FBXO11: variants seen among roughly 807,000 people sequenced by gnomAD.
FBXO11 encodes F-box protein 11, also known as F-box only protein 11.
A neutral mutation model predicts 117.0 loss-of-function variants in FBXO11; 13 were observed. That is an observed-to-expected ratio of 0.11 (90% CI 0.07 to 0.18). The LOEUF is 0.18. FBXO11 is among the 10% of genes least tolerant of loss of function. The pLI, the probability that FBXO11 is intolerant of heterozygous loss-of-function variation, is 1.00. For synonymous variants in FBXO11, 490 were observed against 380.5 expected (o/e 1.29, Z -3.35); for missense variants, 767 against 1,164.4 (o/e 0.66, Z 4.97).
chr2:47,809,874 C>G, intron 19 of FBXO11, 167 bp from the exon 20 acceptor site: 2 of 553,042 alleles, frequency 3.6e-6, no homozygotes, highest in East Asian at 3.0e-5. Context: ...CAGTAACATT[C>G]ACTTATCAAT....
intron 1 of FBXO11, among the ~76,000 whole-genome samples, chr2:47,849,894 AAAT>A (rs1319011306): frequency 3.9e-5 from 6 of 152,196 alleles, no homozygotes; most frequent in Non-Finnish European, 8.8e-5. Flanking sequence ...CAAACACTTA[AAAT>A]AATTTAGACC....
intron 21 of FBXO11, chr2:47,808,650 AG>A: frequency 2.2e-6 from 1 of 445,042 alleles, no homozygotes; most frequent in East Asian, 3.5e-5. Context: ...AATTGTATAA[AG>A]GCAGTTCTTT....
chr2:47,893,166 T>A (rs1044358563), intron 1 of FBXO11, among the ~76,000 whole-genome samples: 1 of 141,478 alleles, frequency 7.1e-6, no homozygotes, highest in Non-Finnish European at 1.6e-5. Context: ...AAAAAATAAA[T>A]TAAATAAATA....
chr2:47,841,407 A>G (rs576290739), intron 1 of FBXO11, among the ~76,000 whole-genome samples: 1 of 152,288 alleles, frequency 6.6e-6, no homozygotes, highest in South Asian at 2.1e-4. Context: ...GATTTAACCA[A>G]TGAGTACCAA....
intron 1 of FBXO11, among the ~76,000 whole-genome samples, chr2:47,877,626 A>T (rs948830296): frequency 2.0e-5 from 3 of 151,728 alleles, no homozygotes; most frequent in African/African-American, 7.3e-5. Context: ...TACCCTAACG[A>T]TTTTTCATTT....
chr2:47,885,853 T>C (rs1380785364), intron 1 of FBXO11, among the ~76,000 whole-genome samples: 2 of 152,256 alleles, frequency 1.3e-5, no homozygotes, highest in South Asian at 2.1e-4. Flanking sequence ...AATATCCTTT[T>C]CCCCCTCCTT....
Position 47,905,590 on chromosome 2 carries a change from TGCTGCTGGGGCGGCTGCTGCTGGGGCG to T in FBXO11, c.104_130del (p.Pro35_Gln43del). On this transcript the variant is annotated inframe_deletion, in exon 1 of 23. Coordinates refer to ENST00000403359, the MANE Select transcript of FBXO11 (RefSeq NM_001190274.2). ...CTGCTGCTGCGGCGGCGGCGGAGGC[TGCTGCTGGGGCGGCTGCTGCTGGGGCG>T]GCTGCGGCGGCGGCTGCTGCGGGGG... 1 of 1,267,358 alleles carries T rather than the reference TGCTGCTGGGGCGGCTGCTGCTGGGGCG, an allele frequency of 7.9e-7. No homozygotes were observed. The highest frequency in any genetic ancestry group is 9.9e-7 in the Non-Finnish European group (1 of 1,009,058). The allele number at this position is 1,267,358 out of a possible 1,614,324, so 78.5% of individuals were successfully genotyped here. A position where few individuals can be genotyped will look rare whatever the true frequency, so the allele number is the denominator to read the frequency against.
chr2:47,899,731 A>G (rs912543790), intron 1 of FBXO11, among the ~76,000 whole-genome samples: 2 of 152,226 alleles, frequency 1.3e-5, no homozygotes, highest in Non-Finnish European at 2.9e-5. Context: ...GTCACATACT[A>G]TAATTCTGTG....
intron 1 of FBXO11, among the ~76,000 whole-genome samples, chr2:47,860,139 ACT>A (rs1215931109): frequency 6.6e-6 from 1 of 152,204 alleles, no homozygotes; most frequent in Non-Finnish European, 1.5e-5. Flanking sequence ...GGGTTTTAGA[ACT>A]ATGCTATGCT....
intron 1 of FBXO11, among the ~76,000 whole-genome samples, chr2:47,865,175 T>C (rs1259950148): frequency 2.6e-5 from 4 of 152,154 alleles, no homozygotes; most frequent in Non-Finnish European, 5.9e-5. Flanking sequence ...GATTGTATCT[T>C]TGTGACAGAA....
chr2:47,852,585 T>C (rs994610196), intron 1 of FBXO11, among the ~76,000 whole-genome samples: 1 of 152,212 alleles, frequency 6.6e-6, no homozygotes, highest in Admixed American at 6.5e-5. Context: ...CTAGATATGA[T>C]GTTTTTATTT....
At chr2:47,809,745 T>C (rs1331671493) in intron 19 of FBXO11, 38 bp from the exon 20 acceptor site, 3 of 1,359,350 alleles carry the variant, frequency 2.2e-6, no homozygotes, top group African/African-American at 1.4e-5. Context: ...TACATCACTT[T>C]ATACTGCTTC....
At chr2:47,808,568 G>T in intron 21 of FBXO11, 141 bp from the exon 22 acceptor site, 1 of 598,368 alleles carries the variant, frequency 1.7e-6, no homozygotes, top group Non-Finnish European at 2.7e-6. Context: ...GATTAATTCT[G>T]AAAAGGAACT....
Position 47,839,777 on chromosome 2 carries a change from A to C in FBXO11, c.233-8T>G. 6.3e-7 allele frequency: 1 copy of C among 1,596,620 alleles called. No individual in the cohort carries two copies. The highest frequency in any genetic ancestry group is 8.5e-7 in the Non-Finnish European group (1 of 1,175,654). On this transcript the variant is annotated splice_region_variant and splice_polypyrimidine_tract_variant and intron_variant, in intron 1 of 22. Coordinates refer to ENST00000403359, the MANE Select transcript of FBXO11 (RefSeq NM_001190274.2). ...CTGCAGGCACATCATCATCTGTTAT[A>C]AACAAAAGCAATAAGAAAAATTATA...
chr2:47,875,062 T>C (rs1402766304), intron 1 of FBXO11, among the ~76,000 whole-genome samples: 1 of 152,190 alleles, frequency 6.6e-6, no homozygotes, highest in Non-Finnish European at 1.5e-5. Flanking sequence ...TTCATTTATA[T>C]GCTCAATTTC....
At chr2:47,878,588 C>T (rs1470794295) in intron 1 of FBXO11, among the ~76,000 whole-genome samples, 15 of 151,962 alleles carry the variant, frequency 9.9e-5, no homozygotes, top group Admixed American at 9.8e-4. Context: ...AACTCCTGAC[C>T]TCGAACTCCT....
chr2:47,833,342 C>A (rs910660192), intron 7 of FBXO11, among the ~76,000 whole-genome samples: 2 of 152,128 alleles, frequency 1.3e-5, no homozygotes, highest in African/African-American at 4.8e-5. Context: ...AAAATGGTTT[C>A]TTGTGGAAAC....
At chr2:47,895,176 G>GA (rs1036727677) in intron 1 of FBXO11, among the ~76,000 whole-genome samples, 6 of 151,800 alleles carry the variant, frequency 4.0e-5, no homozygotes, top group Middle Eastern at 3.2e-3. Flanking sequence ...CATATGCAAA[G>GA]AAAAAAATGC....
intron 1 of FBXO11, among the ~76,000 whole-genome samples, chr2:47,858,064 TA>T (rs376385321): frequency 9.2e-5 from 14 of 152,152 alleles, no homozygotes; most frequent in African/African-American, 3.1e-4. Context: ...TGGGTCACTA[TA>T]AAAGAGCGTA....
Sources: gnomAD v4.1 joint callset for allele counts (sites outside exome capture counted in the v4.1 genomes callset) on GRCh38, gnomAD v4.1.1 for gene constraint, MANE v1.5 for transcripts, NCBI Gene and HGNC (gene_info 2026-07-23, HGNC 2026-07-21) for gene names.